SNTG1: variants seen among roughly 807,000 people sequenced by gnomAD.
The protein encoded by SNTG1 is syntrophin gamma 1.
SNTG1 carries 39 observed loss-of-function variants against 74.7 expected under a neutral mutation model. The observed-to-expected ratio is 0.52, with a 90% CI of 0.40 to 0.68. The LOEUF (loss-of-function observed/expected upper bound fraction) is 0.68, where lower values mean the gene tolerates loss of function less well. Ranked by LOEUF, SNTG1 falls within the 30% of genes least tolerant of loss-of-function variation. The pLI is 0.00. For missense variants in SNTG1, 685 were observed against 609.5 expected, an observed-to-expected ratio of 1.12 and a Z score of -1.30; for synonymous variants, 254 against 217.1, an observed-to-expected ratio of 1.17 and a Z score of -1.49.
At chr8:50,658,096 G>A (rs1197749495) in intron 14 of SNTG1, among the ~76,000 whole-genome samples, 1 of 152,060 alleles carries the variant, frequency 6.6e-6, no homozygotes, top group Admixed American at 6.5e-5. Flanking sequence ...TGACAAGACA[G>A]TTAAATATAG....
chr8:50,585,100 G>A (rs573609024), intron 12 of SNTG1, among the ~76,000 whole-genome samples: 6 of 152,236 alleles, frequency 3.9e-5, no homozygotes, highest in South Asian at 2.1e-4. Flanking sequence ...AAACAAGACC[G>A]TATGCTTTGG....
intron 2 of SNTG1, among the ~76,000 whole-genome samples, chr8:50,331,510 G>A (rs2130879811): frequency 6.6e-6 from 1 of 152,302 alleles, no homozygotes; most frequent in Non-Finnish European, 1.5e-5. Context: ...CTGCAGCTGA[G>A]AATCAGATGA....
At chr8:50,723,798 A>T (rs1205219286) in intron 17 of SNTG1, among the ~76,000 whole-genome samples, 1 of 151,280 alleles carries the variant, frequency 6.6e-6, no homozygotes, top group Non-Finnish European at 1.5e-5. Context: ...GAAAAAAAAA[A>T]GGAGAAAGGT....
intron 9 of SNTG1, among the ~76,000 whole-genome samples, chr8:50,512,639 T>G (rs2129973216): frequency 6.6e-6 from 1 of 152,348 alleles, no homozygotes; most frequent in East Asian, 1.9e-4. Context: ...TTCTCTAAAC[T>G]TCTCTTCTAG....
intron 5 of SNTG1, among the ~76,000 whole-genome samples, chr8:50,449,229 G>T (rs974429477): frequency 3.9e-5 from 6 of 152,082 alleles, no homozygotes; most frequent in African/African-American, 1.4e-4. Flanking sequence ...TTATCCATTT[G>T]TTCTGGTAAA....
intron 15 of SNTG1, among the ~76,000 whole-genome samples, chr8:50,670,562 A>C (rs1210310226): frequency 3.4e-5 from 5 of 149,230 alleles, no homozygotes; most frequent in African/African-American, 1.3e-4. Flanking sequence ...CAAATGGAAG[A>C]ACATTCCATG....
chr8:50,332,328 T>C (rs2090996023), intron 2 of SNTG1, among the ~76,000 whole-genome samples: 1 of 152,158 alleles, frequency 6.6e-6, no homozygotes, highest in African/African-American at 2.4e-5. Flanking sequence ...AAAAACTTAT[T>C]GGGTCCTCAT....
At chr8:49,919,671 G>T (rs1319712226) in intron 1 of SNTG1, among the ~76,000 whole-genome samples, 1 of 152,034 alleles carries the variant, frequency 6.6e-6, no homozygotes, top group African/African-American at 2.4e-5. Context: ...AATATGAAAA[G>T]GACACACAAG....
chr8:49,946,086 CATCTCT>C (rs1809159668), intron 1 of SNTG1, among the ~76,000 whole-genome samples: 1 of 152,160 alleles, frequency 6.6e-6, no homozygotes, highest in Non-Finnish European at 1.5e-5. Flanking sequence ...TCTAGTCCAG[CATCTCT>C]ATCTATCATC....
chr8:50,450,386 C>A (rs1239852511), intron 6 of SNTG1, among the ~76,000 whole-genome samples, 170 bp from the exon 7 acceptor site: 1 of 152,166 alleles, frequency 6.6e-6, no homozygotes, highest in Non-Finnish European at 1.5e-5. Flanking sequence ...AGTAATTAGA[C>A]TGAGTCATAT....
intron 1 of SNTG1, among the ~76,000 whole-genome samples, chr8:50,159,747 T>A (rs1204921740): frequency 6.6e-6 from 1 of 152,188 alleles, no homozygotes; most frequent in African/African-American, 2.4e-5. Context: ...TACCTGAGCC[T>A]AGTGTTTCTA....
chr8:50,381,731 ATTAG>A (rs1301584096), intron 2 of SNTG1, among the ~76,000 whole-genome samples: 1 of 138,838 alleles, frequency 7.2e-6, no homozygotes, highest in Non-Finnish European at 1.5e-5. Context: ...TATATATCCT[ATTAG>A]TTATATATAT....
chr8:50,457,182 A>C (rs913461281), intron 8 of SNTG1: 13 of 152,154 alleles, frequency 8.5e-5, no homozygotes, highest in Admixed American at 2.0e-4. Context: ...GTCGCAGTAG[A>C]TTATTGCTTA....
At chr8:50,719,134 CAAT>C (rs1418452059) in intron 17 of SNTG1, among the ~76,000 whole-genome samples, 1 of 152,086 alleles carries the variant, frequency 6.6e-6, no homozygotes, top group Non-Finnish European at 1.5e-5. Context: ...AAAAAAGCAA[CAAT>C]AACAAGTTAA....
chr8:50,467,537 G>A (rs1162980354), intron 8 of SNTG1, among the ~76,000 whole-genome samples: 1 of 151,344 alleles, frequency 6.6e-6, no homozygotes, highest in Non-Finnish European at 1.5e-5. Context: ...TTTATTTCTT[G>A]GTGAGTTTCC....
At chr8:50,743,315 G>C (rs1563800555) in intron 17 of SNTG1, among the ~76,000 whole-genome samples, 1 of 151,804 alleles carries the variant, frequency 6.6e-6, no homozygotes, top group Non-Finnish European at 1.5e-5. Flanking sequence ...TGGCCAAGTA[G>C]TATTTATTAA....
At chr8:50,579,600 G>A (rs752385328) in intron 12 of SNTG1, among the ~76,000 whole-genome samples, 9 of 152,094 alleles carry the variant, frequency 5.9e-5, no homozygotes, top group Non-Finnish European at 1.5e-5. Context: ...ATGGTGCCCT[G>A]CATCGCAGCT....
intron 9 of SNTG1, among the ~76,000 whole-genome samples, chr8:50,520,918 C>T (rs1343274006): frequency 6.6e-6 from 1 of 152,150 alleles, no homozygotes; most frequent in Non-Finnish European, 1.5e-5. Context: ...AATCCTATTA[C>T]TGGGTATATA....
At position 50,124,691 on chromosome 8, in the gene SNTG1, G is replaced by A. The variant is rs188670684; in HGVS notation, c.-102-47870G>A. On this transcript the variant is annotated intron_variant, in intron 1 of 18. Transcript: ENST00000642720. ...GGTGAATAAGACAGAAAATGATCCT[G>A]TTCCCATGCCAAATTACCTCCAAGG... Among the ~76,000 whole-genome samples, 23 of 141,134 alleles carry A rather than the reference G, an allele frequency of 1.6e-4. 2 individuals are homozygous for A. The East Asian group carries it at 1.8e-3, about 11-fold the overall frequency. 92.6% of individuals were successfully genotyped at this position (141,134 alleles called of 152,430 possible). A position where few individuals can be genotyped will look rare whatever the true frequency, so the allele number is the denominator to read the frequency against.
Sources: gnomAD v4.1 joint callset for allele counts (sites outside exome capture counted in the v4.1 genomes callset) on GRCh38, gnomAD v4.1.1 for gene constraint, MANE v1.5 for transcripts, NCBI Gene and HGNC (gene_info 2026-07-23, HGNC 2026-07-21) for gene names.